The following AP1M1 variants were observed in gnomAD, a reference collection of about 807,000 sequenced individuals.
The protein encoded by AP1M1 is AP-1 complex subunit mu-1.
In AP1M1, 18 loss-of-function variants were observed where a neutral mutation model predicts 57.1. The ratio of observed to expected loss-of-function variants is 0.32; its 90% CI spans 0.22 to 0.47. The LOEUF is 0.47. AP1M1 is among the 20% of genes least tolerant of loss of function. The probability of loss-of-function intolerance (pLI) is 1.00; values close to 1 mark genes in which losing one functional copy is unlikely to be tolerated. For missense variants in AP1M1, 362 were observed against 593.5 expected, an observed-to-expected ratio of 0.61 and a Z score of 4.05; for synonymous variants, 241 against 237.9, an observed-to-expected ratio of 1.01 and a Z score of -0.12.
chr19:16,209,244 T>G, intron 5 of AP1M1, 67 bp downstream of exon 5: 1 of 1,574,194 alleles, frequency 6.4e-7, no homozygotes, highest in Non-Finnish European at 8.7e-7. Context: ...AAACACAGCA[T>G]TTTAAAACTG....
Position 16,234,282 on chromosome 19 carries a change from A to G in AP1M1, c.1249+8A>G. The G allele has an allele frequency of 6.2e-7, 1 of 1,613,572 alleles. No homozygotes were observed. On this transcript the variant is annotated splice_region_variant and intron_variant, in intron 11 of 11. Coordinates refer to ENST00000291439, the MANE Select transcript of AP1M1 (RefSeq NM_032493.4). ...ATATCACGCAGAATGGAGGTGAGTG[A>G]GGCCCTACCCGTGGGGTGGGGTTGT...
Position 16,228,361 on chromosome 19 carries a change from G to A in AP1M1, c.888+153G>A, listed in dbSNP as rs116315444. Among the ~76,000 whole-genome samples the A allele has an allele frequency of 5.0e-3, 756 of 152,272 alleles. 1 individual carries two copies. Among genetic ancestry groups the A allele is most frequent in the African/African-American group, 7.5e-3 (310 of 41,552 alleles). On this transcript the variant is annotated intron_variant, in intron 8 of 11. Transcript: ENST00000291439. The surrounding 1 kb of genome is among the most constrained non-coding windows in gnomAD (Gnocchi z 5.0). ...AGTGACCTGACACTGAGGGGACACCGCCTGGGGCCTGCTCCTAGATGGTGC... is the reference window on the plus strand; with the variant it reads ...AGTGACCTGACACTGAGGGGACACCACCTGGGGCCTGCTCCTAGATGGTGC...
chr19:16,222,400 A>T (rs941607657), intron 5 of AP1M1, among the ~76,000 whole-genome samples: 1 of 151,164 alleles, frequency 6.6e-6, no homozygotes, highest in South Asian at 2.1e-4. Context: ...TTTTGTAGAG[A>T]TGAGGGTCTC....
chr19:16,215,042 C>G (rs2091511706), intron 5 of AP1M1, among the ~76,000 whole-genome samples: 1 of 151,574 alleles, frequency 6.6e-6, no homozygotes, highest in Admixed American at 6.6e-5. Context: ...GCCACCACAC[C>G]CAAGTTGAAA....
chr19:16,212,640 C>T (rs2091500314), intron 5 of AP1M1, among the ~76,000 whole-genome samples: 2 of 152,100 alleles, frequency 1.3e-5, no homozygotes, highest in Admixed American at 1.3e-4. Flanking sequence ...CTTCTGCTAG[C>T]TTTGGAGTTG....
Position 16,203,698 on chromosome 19 carries a change from C to A in AP1M1, c.199+83C>A. On this transcript the variant is annotated intron_variant, in intron 2 of 11. Coordinates refer to ENST00000291439, the MANE Select transcript of AP1M1 (RefSeq NM_032493.4). This position sits in a 1 kb window ranked among gnomAD's most constrained non-coding sequence, Gnocchi z 4.6. ...CATATCCACACGCCTGCAAGCAGGG[C>A]TGGTTTGTGCACAGCGCAAGCATTG... 1 of 1,449,068 alleles carries A rather than the reference C, an allele frequency of 6.9e-7. No individual in the cohort carries two copies. Among genetic ancestry groups the A allele is most frequent in the Non-Finnish European group, 9.4e-7 (1 of 1,064,918 alleles). The allele number at this position is 1,449,068 out of a possible 1,614,324, so 89.8% of individuals were successfully genotyped here.
In AP1M1 at chr19:16,228,928, G is replaced by A. The variant is rs919062767; in HGVS notation, c.1047G>A (p.Pro349=). The A allele has an allele frequency of 1.9e-6, 3 of 1,613,604 alleles. No individual in the cohort carries two copies. The highest frequency in any genetic ancestry group is 2.5e-6 in the Non-Finnish European group (3 of 1,179,802). The change falls in exon 9 of 12, where the codon CCG becomes CCA. Residue 349 remains proline (P), a splice_region_variant and synonymous_variant. Transcript: ENST00000291439. The surrounding 1 kb of genome is among the most constrained non-coding windows in gnomAD (Gnocchi z 5.0). ...SEIVWSIKSF[P]GGKEYLMRAH... ...TCGTGTGGTCCATCAAGTCCTTCCCGGTGAGCACTCTGTCCAGACATCCAC... is the reference window on the plus strand; with the variant it reads ...TCGTGTGGTCCATCAAGTCCTTCCCAGTGAGCACTCTGTCCAGACATCCAC...
In AP1M1 at chr19:16,228,169, C is replaced by A; in HGVS notation, c.849C>A (p.Ile283=). The change falls in exon 8 of 12, where the codon ATC becomes ATA. Residue 283 remains isoleucine (I), a synonymous_variant. Coordinates refer to ENST00000291439, the MANE Select transcript of AP1M1 (RefSeq NM_032493.4). The surrounding 1 kb of genome is among the most constrained non-coding windows in gnomAD (Gnocchi z 5.0). ...VKPLIWIESV[I]EKHSHSRIEY... ...CTTTGATATGGATCGAGTCGGTGAT[C>A]GAGAAGCACTCCCACAGCCGCATCG... The A allele has an allele frequency of 6.2e-7, 1 of 1,613,828 alleles. No individual in the cohort carries two copies. The highest frequency in any genetic ancestry group is 8.5e-7 in the Non-Finnish European group (1 of 1,180,006).
chr19:16,220,642 C>A (rs144259652), intron 5 of AP1M1, among the ~76,000 whole-genome samples: 1 of 152,138 alleles, frequency 6.6e-6, no homozygotes, highest in Non-Finnish European at 1.5e-5. Context: ...CTGCTCACCC[C>A]GGCCTCCCAA....
intron 5 of AP1M1, among the ~76,000 whole-genome samples, chr19:16,218,403 G>A (rs531239035): frequency 2.6e-5 from 4 of 152,286 alleles, no homozygotes; most frequent in South Asian, 2.1e-4. Flanking sequence ...CCTTCCTGCC[G>A]GGATTCCAGA....
rs1448858338 is a variant in AP1M1 at position 16,207,921 on chromosome 19, T to G, written c.268-98T>G. 1 of 1,462,092 alleles carries G rather than the reference T, an allele frequency of 6.8e-7. No individual in the cohort carries two copies. The highest frequency in any genetic ancestry group is 2.3e-5 in the East Asian group (1 of 42,856). 90.6% of individuals were successfully genotyped at this position (1,462,092 alleles called of 1,614,324 possible). A position where few individuals can be genotyped will look rare whatever the true frequency, so the allele number is the denominator to read the frequency against. On this transcript the variant is annotated intron_variant, in intron 3 of 11. Transcript: ENST00000291439. The surrounding 1 kb of genome is among the most constrained non-coding windows in gnomAD (Gnocchi z 4.2). ...CTGGGAAGTAGGCTGTTGGTAGGAC[T>G]TAGCGGGCAAATGAATGTGTGCAAG...
At chr19:16,230,065 G>T (rs565647560) in intron 9 of AP1M1, among the ~76,000 whole-genome samples, 1 of 152,334 alleles carries the variant, frequency 6.6e-6, no homozygotes, top group East Asian at 1.9e-4. Flanking sequence ...CAAATAAACA[G>T]CATGGTGAGC....
At position 16,206,629 on chromosome 19, in the gene AP1M1, C is replaced by A; in HGVS notation, c.267+221C>A. 1.7e-6 allele frequency: 1 copy of A among 591,266 alleles called. No homozygotes were observed. Among genetic ancestry groups the A allele is most frequent in the Non-Finnish European group, 3.0e-6 (1 of 328,080 alleles). 36.6% of individuals were successfully genotyped at this position (591,266 alleles called of 1,614,324 possible). A position where few individuals can be genotyped will look rare whatever the true frequency, so the allele number is the denominator to read the frequency against. The stretch of plus-strand genomic sequence containing the variant: ...ACCGTGGGGAAGAAAGGAAAGTGAA[C>A]AGGAAAAGGTAGGGCTCAGAGCAGG... On this transcript the variant is annotated intron_variant, in intron 3 of 11. Transcript: ENST00000291439. The surrounding 1 kb of genome is among the most constrained non-coding windows in gnomAD (Gnocchi z 4.3).
In AP1M1 at chr19:16,233,950, C is replaced by T. The variant is rs1222149973; in HGVS notation, c.1174-249C>T. On this transcript the variant is annotated intron_variant, in intron 10 of 11. Coordinates refer to ENST00000291439, the MANE Select transcript of AP1M1 (RefSeq NM_032493.4). ...GAGAGCCAGGGGCCTTCTGGCCGGGCCCCCCAAGCAGGCTGCTGAGGCCGT... is the reference window on the plus strand; with the variant it reads ...GAGAGCCAGGGGCCTTCTGGCCGGGTCCCCCAAGCAGGCTGCTGAGGCCGT... The T allele has an allele frequency of 2.2e-5, 12 of 551,530 alleles. No individual in the cohort carries two copies. In the Admixed American group the frequency reaches 2.7e-4, roughly 12 times the overall value. 34.2% of individuals were successfully genotyped at this position (551,530 alleles called of 1,614,324 possible). A position where few individuals can be genotyped will look rare whatever the true frequency, so the allele number is the denominator to read the frequency against.
chr19:16,232,322 C>T (rs906885322), intron 9 of AP1M1, among the ~76,000 whole-genome samples: 1 of 152,240 alleles, frequency 6.6e-6, no homozygotes, highest in African/African-American at 2.4e-5. Flanking sequence ...GCCTACAGCT[C>T]TCATCGAGAG....
chr19:16,208,818 G>T, intron 4 of AP1M1: 1 of 540,352 alleles, frequency 1.9e-6, no homozygotes, highest in African/African-American at 1.9e-5. Context: ...GAGTGTATTG[G>T]CTTTTGGAAA....
chr19:16,209,359 C>T (rs1157523594), intron 5 of AP1M1, 182 bp downstream of exon 5: 4 of 621,964 alleles, frequency 6.4e-6, no homozygotes, highest in African/African-American at 3.7e-5. Context: ...GAGACGGAAT[C>T]TCATTCTGTC....
In AP1M1 at chr19:16,234,538, G is replaced by T. The variant is rs756260692; in HGVS notation, c.*103G>T. 155 of 1,478,090 alleles carry T rather than the reference G, an allele frequency of 1.0e-4. No individual in the cohort carries two copies. Among genetic ancestry groups the T allele is most frequent in the Non-Finnish European group, 1.4e-4 (148 of 1,075,868 alleles). The allele number at this position is 1,478,090 out of a possible 1,614,324, so 91.6% of individuals were successfully genotyped here. ...ATGGAGGGGCCCTCCCTGGTCTCTG[G>T]CCACCCTCCCAGCCTCTGCCCAGGG... On this transcript the variant is annotated 3_prime_UTR_variant, in exon 12 of 12. Transcript: ENST00000291439.
intron 5 of AP1M1, among the ~76,000 whole-genome samples, chr19:16,224,561 C>T (rs1458120102): frequency 1.3e-5 from 2 of 152,244 alleles, no homozygotes; most frequent in Non-Finnish European, 2.9e-5. Context: ...GGGAAGGGCA[C>T]CGGCTCTGCG....
Sources: allele counts gnomAD v4.1 joint callset (sites outside exome capture counted in the v4.1 genomes callset), GRCh38; gene constraint gnomAD v4.1.1; non-coding constraint Gnocchi (gnomAD v3.1); transcripts MANE v1.5; gene names NCBI Gene and HGNC (gene_info 2026-07-23, HGNC 2026-07-21).